The following KCNJ4 variants were observed in gnomAD, a reference collection of about 807,000 sequenced individuals.
KCNJ4 encodes inward rectifier potassium channel 4.
Under a neutral mutation model 25.6 loss-of-function variants are expected in KCNJ4, and 3 were observed. The observed-to-expected ratio is 0.12, with a 90% CI of 0.05 to 0.30. The LOEUF is 0.30. Ranked by LOEUF, KCNJ4 falls within the 10% of genes least tolerant of loss-of-function variation. KCNJ4 has a pLI of 1.00. For missense variants in KCNJ4, 286 were observed against 666.8 expected (o/e 0.43, Z 6.29); for synonymous variants, 257 against 283.9 (o/e 0.91, Z 0.95).
intron 1 of KCNJ4, among the ~76,000 whole-genome samples, chr22:38,452,517 G>A (rs11704913): frequency 0.27 from 40,583 of 152,146 alleles, 6,170 homozygotes; most frequent in Non-Finnish European, 0.33. Flanking sequence ...ACTTGCCCCC[G>A]GCCCTCTGGC....
chr22:38,442,862 C>A (rs1268651427), intron 1 of KCNJ4, among the ~76,000 whole-genome samples: 1 of 152,146 alleles, frequency 6.6e-6, no homozygotes, highest in East Asian at 1.9e-4. Flanking sequence ...CCCACCCCAG[C>A]CTCTCGAATA....
intron 1 of KCNJ4, among the ~76,000 whole-genome samples, chr22:38,451,728 C>T (rs1009973509): frequency 2.6e-5 from 4 of 152,176 alleles, no homozygotes; most frequent in African/African-American, 9.7e-5. Flanking sequence ...CCTCATGGGT[C>T]CACTTCCCCC....
chr22:38,450,585 C>T (rs781408814), intron 1 of KCNJ4, among the ~76,000 whole-genome samples: 2 of 152,172 alleles, frequency 1.3e-5, no homozygotes, highest in Admixed American at 1.3e-4. Context: ...TCTGCATTCC[C>T]GACCTCACAC....
At chr22:38,447,142 G>A (rs1385554918) in intron 1 of KCNJ4, among the ~76,000 whole-genome samples, 4 of 152,132 alleles carry the variant, frequency 2.6e-5, no homozygotes, top group Admixed American at 2.0e-4. Context: ...GGAGCCTTGG[G>A]GTAGGGGAGG....
rs143720048 is a variant in KCNJ4, at chr22:38,432,211, G to C, written c.-39-4040C>G. ...GCAGAGGTTGCAGTGAGCCAAGATT[G>C]AGTGACCGCACTCTAGACTGGGTGA... On this transcript the variant is annotated intron_variant, in intron 1 of 1. Transcript: ENST00000303592. 6.5e-3 allele frequency among the ~76,000 whole-genome samples: 980 copies of C among 151,388 alleles called. 15 individuals are homozygous for C. Among genetic ancestry groups the C allele is most frequent in the African/African-American group, 0.023 (940 of 41,132 alleles).
At chr22:38,438,932 T>C (rs2089312819) in intron 1 of KCNJ4, among the ~76,000 whole-genome samples, 1 of 152,082 alleles carries the variant, frequency 6.6e-6, no homozygotes, top group Non-Finnish European at 1.5e-5. Flanking sequence ...TTAAGACAAA[T>C]AGGAATAAGG....
intron 1 of KCNJ4, among the ~76,000 whole-genome samples, chr22:38,445,785 G>T (rs1449936900): frequency 6.6e-6 from 1 of 152,130 alleles, no homozygotes; most frequent in East Asian, 1.9e-4. Context: ...ACCCACTAAC[G>T]GGGCAGGACC....
intron 1 of KCNJ4, among the ~76,000 whole-genome samples, chr22:38,441,138 G>C (rs1353472823): frequency 6.6e-6 from 1 of 152,114 alleles, no homozygotes; most frequent in Non-Finnish European, 1.5e-5. Context: ...AGTAGGGGAG[G>C]GAGGCCAGCT....
chr22:38,446,996 A>AT (rs1569124200), intron 1 of KCNJ4, among the ~76,000 whole-genome samples: 2 of 150,832 alleles, frequency 1.3e-5, no homozygotes, highest in African/African-American at 4.9e-5. Context: ...GCCCACCCTT[A>AT]CGGGGCAGGG....
intron 1 of KCNJ4, among the ~76,000 whole-genome samples, chr22:38,430,712 T>TA (rs2145933034): frequency 6.6e-6 from 1 of 152,248 alleles, no homozygotes; most frequent in African/African-American, 2.4e-5. Context: ...GCTCTGTAAA[T>TA]AGAGTTTTCA....
rs1280276638 is a variant in KCNJ4 at position 38,449,581 on chromosome 22, G to T, written c.-40+5399C>A. ...GAGCATGCACGCGCAGGCTGAAAGG[G>T]GGCTGCGAGCAGGTGGGGCAACGGG... On this transcript the variant is annotated intron_variant, in intron 1 of 1. Coordinates refer to ENST00000303592, the MANE Select transcript of KCNJ4 (RefSeq NM_152868.3). This position sits in a 1 kb window ranked among gnomAD's most constrained non-coding sequence, Gnocchi z 5.2. Among the ~76,000 whole-genome samples, 1 of 152,192 alleles carries T rather than the reference G, an allele frequency of 6.6e-6. No homozygotes were observed. Among genetic ancestry groups the T allele is most frequent in the Non-Finnish European group, 1.5e-5 (1 of 68,022 alleles).
intron 1 of KCNJ4, among the ~76,000 whole-genome samples, chr22:38,433,218 C>T (rs966744593): frequency 5.9e-5 from 9 of 152,136 alleles, no homozygotes; most frequent in African/African-American, 2.2e-4. Context: ...GAGGCCAAGG[C>T]GGGCGGATGA....
At chr22:38,436,057 G>T (rs12484750) in intron 1 of KCNJ4, among the ~76,000 whole-genome samples, 1,659 of 152,298 alleles carry the variant, frequency 0.011, 91 homozygotes, top group Admixed American at 0.1. Context: ...TGGTGCAGCA[G>T]CTTCAGCTCT....
At chr22:38,434,078 C>T (rs1004994802) in intron 1 of KCNJ4, among the ~76,000 whole-genome samples, 4 of 152,154 alleles carry the variant, frequency 2.6e-5, no homozygotes, top group African/African-American at 9.7e-5. Flanking sequence ...GGCACCTCCG[C>T]CAGGCCCTGC....
intron 1 of KCNJ4, among the ~76,000 whole-genome samples, chr22:38,428,454 C>T (rs145208670): frequency 5.3e-5 from 8 of 152,204 alleles, no homozygotes; most frequent in Non-Finnish European, 1.2e-4. Context: ...ACTGCCCCTC[C>T]GGCCCTCCTA....
chr22:38,446,527 G>A (rs1321178703), intron 1 of KCNJ4, among the ~76,000 whole-genome samples: 1 of 152,216 alleles, frequency 6.6e-6, no homozygotes, highest in Non-Finnish European at 1.5e-5. Context: ...CAAGGCAGTG[G>A]CTGGTGATGG....
intron 1 of KCNJ4, among the ~76,000 whole-genome samples, chr22:38,451,483 G>C (rs2089410005): frequency 6.6e-6 from 1 of 152,216 alleles, no homozygotes; most frequent in Non-Finnish European, 1.5e-5. Flanking sequence ...GAGACCAATA[G>C]AGGGAGGGGA....
chr22:38,449,679 A>G lies in KCNJ4; in HGVS notation c.-40+5301T>C, dbSNP rs1288555548. The stretch of plus-strand genomic sequence containing the variant: ...TTTCCCACCCTGTGTGTCCCAACAG[A>G]GAACAGTGGTCTTAGAATCAGGCAA... On this transcript the variant is annotated intron_variant, in intron 1 of 1. Coordinates refer to ENST00000303592, the MANE Select transcript of KCNJ4 (RefSeq NM_152868.3). This position sits in a 1 kb window ranked among gnomAD's most constrained non-coding sequence, Gnocchi z 5.2. Among the ~76,000 whole-genome samples the G allele has an allele frequency of 6.6e-6, 1 of 152,236 alleles. No homozygotes were observed. Among genetic ancestry groups the G allele is most frequent in the African/African-American group, 2.4e-5 (1 of 41,458 alleles).
At chr22:38,438,029 A>T (rs982502230) in intron 1 of KCNJ4, among the ~76,000 whole-genome samples, 4 of 151,822 alleles carry the variant, frequency 2.6e-5, no homozygotes, top group African/African-American at 4.8e-5. Flanking sequence ...ACCTGAGGTC[A>T]GGAGTTTGAG....
Sources: allele counts gnomAD v4.1 joint callset (sites outside exome capture counted in the v4.1 genomes callset), GRCh38; gene constraint gnomAD v4.1.1; non-coding constraint Gnocchi (gnomAD v3.1); transcripts MANE v1.5; gene names NCBI Gene and HGNC (gene_info 2026-07-23, HGNC 2026-07-21).